KIFC3: variants seen among roughly 807,000 people sequenced by gnomAD.
KIFC3 encodes the protein kinesin-like protein KIFC3.
KIFC3 carries 60 observed loss-of-function variants against 101.8 expected under a neutral mutation model. The observed-to-expected ratio is 0.59, with a 90% CI of 0.48 to 0.73. The LOEUF is 0.73. KIFC3 is among the 30% of genes least tolerant of loss of function. The pLI is 0.00. For missense variants in KIFC3, 966 were observed against 1,137.1 expected, an observed-to-expected ratio of 0.85 and a Z score of 2.16; for synonymous variants, 476 against 482.7, an observed-to-expected ratio of 0.99 and a Z score of 0.18.
chr16:57,766,216 C>A (rs1248632618), intron 10 of KIFC3, among the ~76,000 whole-genome samples: 1 of 152,190 alleles, frequency 6.6e-6, no homozygotes, highest in Non-Finnish European at 1.5e-5. Flanking sequence ...AGAGGAAACA[C>A]CCCCCACTGC....
chr16:57,783,208 G>A (rs1198369205), intron 3 of KIFC3, among the ~76,000 whole-genome samples: 1 of 152,156 alleles, frequency 6.6e-6, no homozygotes, highest in Non-Finnish European at 1.5e-5. Context: ...TAGATACTAC[G>A]ATTTCACTTC....
Position 57,770,553 on chromosome 16 carries a change from G to A in KIFC3, c.913C>T (p.Gln305Ter). 6.7e-7 allele frequency: 1 copy of A among 1,489,626 alleles called. No homozygotes were observed. The highest frequency in any genetic ancestry group is 8.9e-7 in the Non-Finnish European group (1 of 1,119,524). 92.3% of individuals were successfully genotyped at this position (1,489,626 alleles called of 1,614,324 possible). ...TGCGCCCGGAGCCGCGCGGTCAGCTGGTGTGAGCTCTGCAGCTGCTGTTCC... is the reference window on the plus strand; with the variant it reads ...TGCGCCCGGAGCCGCGCGGTCAGCTAGTGTGAGCTCTGCAGCTGCTGTTCC... Reference protein sequence around the residue: ...EMEQQLQSSHQLTARLRAQIA... With the variant: ...EMEQQLQSSH The change falls in exon 7 of 20, where the codon CAG becomes TAG. Residue 305 changes from glutamine (Q) to a stop codon, truncating the protein, a stop_gained. Transcript: ENST00000445690. LOFTEE classifies it high-confidence loss of function.
rs537394805 is a variant in KIFC3 at position 57,787,927 on chromosome 16, C to T, written c.315+7072G>A. On this transcript the variant is annotated intron_variant, in intron 3 of 19. Coordinates refer to ENST00000445690, the MANE Select transcript of KIFC3 (RefSeq NM_001130100.2). ...TGACAGAAAGGCCAGCTCCTTTTTCCGTCACACGCTCTCTTCCTTCCGGGC... is the reference window on the plus strand; with the variant it reads ...TGACAGAAAGGCCAGCTCCTTTTTCTGTCACACGCTCTCTTCCTTCCGGGC... 2.0e-5 allele frequency among the ~76,000 whole-genome samples: 3 copies of T among 152,312 alleles called. No individual in the cohort carries two copies. In the South Asian group the frequency reaches 6.2e-4, roughly 32 times the overall value.
Position 57,758,828 on chromosome 16 carries a change from T to C in KIFC3, c.*106A>G, listed in dbSNP as rs782370480. 6.2e-7 allele frequency: 1 copy of C among 1,601,310 alleles called. No homozygotes were observed. The highest frequency in any genetic ancestry group is 1.1e-5 in the South Asian group (1 of 90,888). On this transcript the variant is annotated 3_prime_UTR_variant, in exon 20 of 20. Transcript: ENST00000445690. The stretch of plus-strand genomic sequence containing the variant: ...CCTCTACCTCCGGGGGTCCTGGCGC[T>C]GCAGCAGGGACAGGCCAGTGAGGGC...
upstream of KIFC3, among the ~76,000 whole-genome samples, chr16:57,804,096 A>G (rs2054875413): frequency 1.3e-5 from 2 of 152,220 alleles, no homozygotes; most frequent in Admixed American, 1.3e-4. Flanking sequence ...CCTTCCCACC[A>G]AAGCCAAAGC....
At chr16:57,787,111 T>A (rs1363542825) in intron 3 of KIFC3, among the ~76,000 whole-genome samples, 2 of 152,152 alleles carry the variant, frequency 1.3e-5, no homozygotes, top group East Asian at 3.9e-4. Flanking sequence ...GACGGATGCT[T>A]CCAGGCCTGC....
chr16:57,788,785 G>A (rs1174336054), intron 3 of KIFC3: 3 of 1,259,042 alleles, frequency 2.4e-6, no homozygotes, highest in Non-Finnish European at 3.1e-6. Context: ...CCAGAGGATG[G>A]TGTGCTCCCG....
rs781922158 is a variant in KIFC3, at chr16:57,798,155, G to A, written c.89C>T (p.Pro30Leu). Reference protein sequence around the residue: ...WRVGRAPEPEPGMARPAPAPA... With the variant: ...WRVGRAPEPELGMARPAPAPA... ...GGCTGGGGCGGGGCGAGCCATCCCC[G>A]GCTCGGGCTCCGGGGCCCGGCCCAC... The change falls in exon 2 of 20, where the codon CCG (proline) becomes CTG (leucine). Residue 30 changes from proline (P) to leucine (L), a missense_variant. Around this residue, in one of 2 missense-constraint regions of KIFC3, gnomAD observed 277 missense variants for 252.5 expected, o/e 1.10. Coordinates refer to ENST00000445690, the MANE Select transcript of KIFC3 (RefSeq NM_001130100.2). 36 of 1,545,376 alleles carry A rather than the reference G, an allele frequency of 2.3e-5. No homozygotes were observed. The highest frequency in any genetic ancestry group is 1.2e-4 in the South Asian group (10 of 83,304).
chr16:57,760,839 C>A lies in KIFC3; in HGVS notation c.2119G>T (p.Val707Phe). Residue 707 changes from valine to phenylalanine, a missense_variant, in exon 16 of 20, where the codon GTC (valine) becomes TTC (phenylalanine). Around this residue, in one of 2 missense-constraint regions of KIFC3, gnomAD observed 689 missense variants for 884.6 expected, o/e 0.78. Coordinates refer to ENST00000445690, the MANE Select transcript of KIFC3 (RefSeq NM_001130100.2). ...TGGCGGGAGCGCAGGGCAGCAATGA[C>A]GTCCCCCAGAGCCGACAGCGACTTG... ...INKSLSALGD[V>F]IAALRSRQGH... is the part of the protein sequence containing the mutation. 6.2e-7 allele frequency: 1 copy of A among 1,613,284 alleles called. No individual in the cohort carries two copies. Among genetic ancestry groups the A allele is most frequent in the Non-Finnish European group, 8.5e-7 (1 of 1,179,984 alleles).
chr16:57,779,186 T>C (rs2052446400), intron 3 of KIFC3, among the ~76,000 whole-genome samples: 1 of 152,180 alleles, frequency 6.6e-6, no homozygotes, highest in Non-Finnish European at 1.5e-5. Context: ...AGCCCATGGA[T>C]GGATGAATGG....
chr16:57,774,955 T>C (rs2051847575), intron 3 of KIFC3: 3 of 1,506,212 alleles, frequency 2.0e-6, no homozygotes, highest in Non-Finnish European at 1.8e-6. Flanking sequence ...GGCTGCTGCC[T>C]CAGCATGGGG....
Position 57,797,794 on chromosome 16 carries a change from G to C in KIFC3, c.172+278C>G. 3 of 1,355,448 alleles carry C rather than the reference G, an allele frequency of 2.2e-6. No individual in the cohort carries two copies. The South Asian group carries it at 4.7e-5, about 21-fold the overall frequency. The allele number at this position is 1,355,448 out of a possible 1,614,324, so 84.0% of individuals were successfully genotyped here. ...CGCAGAGCTCTGACCAGCTTGGCCA[G>C]AGGGAATGCAGCTGATTCCCCCTGC... On this transcript the variant is annotated intron_variant, in intron 2 of 19. Transcript: ENST00000445690.
Position 57,825,525 on chromosome 16 carries a change from TGGCCACCTTCCTAATTTAGA to T in KIFC3, c.109-27263_109-27244del, listed in dbSNP as rs2055440519. On this transcript the variant is annotated intron_variant, in intron 1 of 2. Transcript: ENST00000563028. ...CCAGCTGTGAGTCAGGCTTTGACCT[TGGCCACCTTCCTAATTTAGA>T]GTGGCAGCTGCCCACCCAAATTAGC... Among the ~76,000 whole-genome samples the T allele has an allele frequency of 2.0e-5, 3 of 152,198 alleles. No individual in the cohort carries two copies. The South Asian group carries it at 6.2e-4, about 31-fold the overall frequency.
At chr16:57,832,956 C>A (rs2055614690) in intron 1 of KIFC3, among the ~76,000 whole-genome samples, 1 of 151,912 alleles carries the variant, frequency 6.6e-6, no homozygotes, top group East Asian at 1.9e-4. Flanking sequence ...ACCTGTAATC[C>A]CAGCACTTTG....
upstream of KIFC3, among the ~76,000 whole-genome samples, chr16:57,806,807 C>T (rs1488810141): frequency 6.6e-6 from 1 of 152,234 alleles, no homozygotes; most frequent in Non-Finnish European, 1.5e-5. Flanking sequence ...GTTGGAGAAA[C>T]TCATTCTGGA....
chr16:57,761,433 T>C lies in KIFC3; in HGVS notation c.1852A>G (p.Ser618Gly). The C allele has an allele frequency of 1.2e-6, 2 of 1,614,046 alleles. No homozygotes were observed. Among genetic ancestry groups the C allele is most frequent in the South Asian group, 2.2e-5 (2 of 91,088 alleles). Reference protein sequence around the residue: ...VPGLTEFQVQSVDDINKVFEF... With the variant: ...VPGLTEFQVQGVDDINKVFEF... ...CACACCTTGTTGATGTCGTCCACGCTCTGCACTTGGAACTCAGTCAGCCCT... is the reference window on the plus strand; with the variant it reads ...CACACCTTGTTGATGTCGTCCACGCCCTGCACTTGGAACTCAGTCAGCCCT... Residue 618 changes from serine (S) to glycine (G), a missense_variant, in exon 14 of 20, where the codon AGC (serine) becomes GGC (glycine). By Grantham distance (56) the Ser-to-Gly change is moderately conservative. Around this residue, in one of 2 missense-constraint regions of KIFC3, gnomAD observed 689 missense variants for 884.6 expected, o/e 0.78. Transcript: ENST00000445690.
rs186693494 is a variant in KIFC3 at position 57,797,762 on chromosome 16, G to C, written c.172+310C>G. On this transcript the variant is annotated intron_variant, in intron 2 of 19. Transcript: ENST00000445690. ...AGCCCACACGCTCTTGGCCAAGGAC[G>C]GCAGCCCGCAGAGCTCTGACCAGCT... 4.1e-4 allele frequency: 521 copies of C among 1,277,542 alleles called. 2 individuals carry two copies. The African/African-American group carries it at 7.6e-3, about 19-fold the overall frequency. The allele number at this position is 1,277,542 out of a possible 1,614,324, so 79.1% of individuals were successfully genotyped here. A position where few individuals can be genotyped will look rare whatever the true frequency, so the allele number is the denominator to read the frequency against.
intron 1 of KIFC3, among the ~76,000 whole-genome samples, chr16:57,822,844 G>A (rs11865054): frequency 0.044 from 6,764 of 152,278 alleles, 203 homozygotes; most frequent in Middle Eastern, 0.078. Flanking sequence ...TGGAGCAATT[G>A]ACAAAATCCC....
chr16:57,845,746 T>C (rs1211842451), intron 1 of KIFC3, among the ~76,000 whole-genome samples: 8 of 152,172 alleles, frequency 5.3e-5, no homozygotes, highest in Non-Finnish European at 8.8e-5. Context: ...GATTGGTTGA[T>C]TGGTTTTTGT....
Sources: gnomAD v4.1 joint callset for allele counts (sites outside exome capture counted in the v4.1 genomes callset) on GRCh38, gnomAD v4.1.1 for gene constraint, gnomAD v4.1.1 regional missense constraint, MANE v1.5 for transcripts, NCBI Gene and HGNC (gene_info 2026-07-23, HGNC 2026-07-21) for gene names.